The following GPR157 variants were observed in gnomAD, a reference collection of about 807,000 sequenced individuals.
GPR157 encodes G-protein coupled receptor 157.
GPR157 carries 16 observed loss-of-function variants against 23.5 expected under a neutral mutation model. That is an observed-to-expected ratio of 0.68 (90% CI 0.46 to 1.04). GPR157 has a LOEUF of 1.04. Among genes scored for constraint, GPR157 ranks in the 50% least tolerant of loss-of-function variants. The pLI is 0.00. For missense variants in GPR157, 440 were observed against 460.7 expected (o/e 0.96, Z 0.41); for synonymous variants, 200 against 221.5 (o/e 0.90, Z 0.86).
rs1412019253 is a variant in GPR157 at position 9,101,465 on chromosome 1, T to C, written c.*2954A>G. 6.6e-6 allele frequency: 1 copy of C among 152,292 alleles called. No individual in the cohort carries two copies. Among genetic ancestry groups the C allele is most frequent in the Admixed American group, 6.5e-5 (1 of 15,282 alleles). The allele number at this position is 152,292 out of a possible 1,614,324, so 9.4% of individuals were successfully genotyped here. ...ACTGGATCTAAGAAGGAGGCGATAT[T>C]GCTGTTTTCGAGGTCGATGGGCCAG... On this transcript the variant is annotated 3_prime_UTR_variant, in exon 4 of 4. Coordinates refer to ENST00000377411, the MANE Select transcript of GPR157 (RefSeq NM_024980.5).
At position 9,111,501 on chromosome 1, in the gene GPR157, GGAGA is replaced by G. The variant is rs1638496277; in HGVS notation, c.384-16_384-13del. ...ACGGGACCCCCCAGCTGAGGAAGGA[GGAGA>G]GAAAGAGGCATCGGGGTCAGGCCAT... On this transcript the variant is annotated splice_polypyrimidine_tract_variant and intron_variant, in intron 1 of 3. Coordinates refer to ENST00000377411, the MANE Select transcript of GPR157 (RefSeq NM_024980.5). The G allele has an allele frequency of 6.2e-7, 1 of 1,610,216 alleles. No homozygotes were observed. Among genetic ancestry groups the G allele is most frequent in the Non-Finnish European group, 8.5e-7 (1 of 1,176,848 alleles).
Position 9,126,565 on chromosome 1 carries a change from T to G in GPR157, c.383+2080A>C, listed in dbSNP as rs140370513. On this transcript the variant is annotated intron_variant, in intron 1 of 3. Coordinates refer to ENST00000377411, the MANE Select transcript of GPR157 (RefSeq NM_024980.5). ...GAAATGGTTAAAAAGTGGATAATCA[T>G]GTAGTCTATGCCTGAAGGTGATATT... 3.6e-3 allele frequency among the ~76,000 whole-genome samples: 554 copies of G among 152,344 alleles called. 3 individuals carry two copies. The highest frequency in any genetic ancestry group is 6.0e-3 in the Non-Finnish European group (408 of 68,030).
intron 1 of GPR157, among the ~76,000 whole-genome samples, chr1:9,123,105 G>A (rs778532144): frequency 1.4e-4 from 21 of 147,396 alleles, no homozygotes; most frequent in Non-Finnish European, 2.5e-4. Context: ...GCAGTGAGCC[G>A]AGAGATCGCA....
At chr1:9,106,582 G>A (rs373492028) in intron 2 of GPR157, among the ~76,000 whole-genome samples, 16 of 152,220 alleles carry the variant, frequency 1.1e-4, no homozygotes, top group Admixed American at 2.6e-4. Context: ...TGGAATGCCC[G>A]TCTCCATCTG....
rs893088549 is a variant in GPR157, at chr1:9,128,059, A to G, written c.383+586T>C. On this transcript the variant is annotated intron_variant, in intron 1 of 3. Transcript: ENST00000377411. This position sits in a 1 kb window ranked among gnomAD's most constrained non-coding sequence, Gnocchi z 6.3. Reference sequence around the variant, plus strand: ...ATCTCAGAATTGCTGAACTCTGGAAAGTCAAGATCATCTAGAACAGAAATA... The same window carrying G: ...ATCTCAGAATTGCTGAACTCTGGAAGGTCAAGATCATCTAGAACAGAAATA... 6.6e-6 allele frequency among the ~76,000 whole-genome samples: 1 copy of G among 152,158 alleles called. No individual in the cohort carries two copies. Among genetic ancestry groups the G allele is most frequent in the African/African-American group, 2.4e-5 (1 of 41,434 alleles).
At chr1:9,127,133 C>A (rs1292993918) in intron 1 of GPR157, among the ~76,000 whole-genome samples, 2 of 152,054 alleles carry the variant, frequency 1.3e-5, no homozygotes, top group Non-Finnish European at 2.9e-5. Context: ...CCTGCCTCGG[C>A]CTCCCAAAGT....
intron 1 of GPR157, among the ~76,000 whole-genome samples, chr1:9,125,084 AAGAG>A (rs886323042): frequency 6.6e-6 from 1 of 152,168 alleles, no homozygotes; most frequent in Non-Finnish European, 1.5e-5. Context: ...CCTGGGAACA[AAGAG>A]AGAGCCCCAT....
In GPR157 at chr1:9,128,966, G is replaced by A. The variant is rs1327692532; in HGVS notation, c.62C>T (p.Ser21Leu). 6.8e-7 allele frequency: 1 copy of A among 1,463,146 alleles called. No homozygotes were observed. Among genetic ancestry groups the A allele is most frequent in the Admixed American group, 2.5e-5 (1 of 40,560 alleles). 90.6% of individuals were successfully genotyped at this position (1,463,146 alleles called of 1,614,324 possible). Residue 21 changes from serine to leucine, a missense_variant, in exon 1 of 4, where the codon TCG becomes TTG. Transcript: ENST00000377411. The surrounding 1 kb of genome is among the most constrained non-coding windows in gnomAD (Gnocchi z 6.3). Reference protein sequence around the residue: ...VPSERAVVLLSCALSALGSGL... With the variant: ...VPSERAVVLLLCALSALGSGL... ...CGAGCCGAGCGCGGAGAGTGCGCACGACAGCAGCACCACGGCGCGCTCCGA... is the reference window on the plus strand; with the variant it reads ...CGAGCCGAGCGCGGAGAGTGCGCACAACAGCAGCACCACGGCGCGCTCCGA...
chr1:9,123,283 T>TA (rs1557700676), intron 1 of GPR157, among the ~76,000 whole-genome samples: 1,931 of 29,266 alleles, frequency 0.066, 214 homozygotes, highest in African/African-American at 0.19. Context: ...TAAATATATA[T>TA]TTAAATTAAT....
chr1:9,113,768 AC>A (rs1638565713), intron 1 of GPR157, among the ~76,000 whole-genome samples: 1 of 151,550 alleles, frequency 6.6e-6, no homozygotes, highest in Non-Finnish European at 1.5e-5. Context: ...ACATAGTGAA[AC>A]CCCATCTCTA....
chr1:9,112,656 T>G (rs746801711), intron 1 of GPR157, among the ~76,000 whole-genome samples: 15 of 152,180 alleles, frequency 9.9e-5, no homozygotes, highest in Non-Finnish European at 2.2e-4. Context: ...TTTCACCATG[T>G]TGGCCAGCCT....
intron 1 of GPR157, among the ~76,000 whole-genome samples, chr1:9,126,579 G>A (rs1638967676): frequency 6.6e-6 from 1 of 152,176 alleles, no homozygotes; most frequent in Non-Finnish European, 1.5e-5. Flanking sequence ...GTCTATGCCT[G>A]AAGGTGATAT....
chr1:9,112,265 G>A (rs536373583), intron 1 of GPR157, among the ~76,000 whole-genome samples: 3 of 152,334 alleles, frequency 2.0e-5, no homozygotes, highest in South Asian at 4.1e-4. Context: ...GGGTTGCCTG[G>A]GCAGGGAATT....
intron 1 of GPR157, among the ~76,000 whole-genome samples, chr1:9,115,863 T>C (rs1638623739): frequency 6.6e-6 from 1 of 150,904 alleles, no homozygotes; most frequent in Admixed American, 6.7e-5. Flanking sequence ...AAAGTTTTAT[T>C]GCAACACAGG....
chr1:9,106,386 T>C (rs1264893303), intron 2 of GPR157, among the ~76,000 whole-genome samples: 3 of 152,118 alleles, frequency 2.0e-5, no homozygotes, highest in Non-Finnish European at 2.9e-5. Flanking sequence ...AACCCGAGTC[T>C]GCTCCAGTGA....
At position 9,101,254 on chromosome 1, in the gene GPR157, C is replaced by T. The variant is rs934821180; in HGVS notation, c.*3165G>A. 3 of 151,560 alleles carry T rather than the reference C, an allele frequency of 2.0e-5. No homozygotes were observed. The highest frequency in any genetic ancestry group is 7.3e-5 in the African/African-American group (3 of 41,176). The allele number at this position is 151,560 out of a possible 1,614,324, so 9.4% of individuals were successfully genotyped here. ...TATATTTAGTAGAAACAGGGTTTCA[C>T]CATGTTGGCCAGGCTGGTCTCAAAC... On this transcript the variant is annotated 3_prime_UTR_variant, in exon 4 of 4. Transcript: ENST00000377411.
At chr1:9,106,914 A>C (rs1347648898) in intron 2 of GPR157, among the ~76,000 whole-genome samples, 1 of 152,188 alleles carries the variant, frequency 6.6e-6, no homozygotes, top group Non-Finnish European at 1.5e-5. Flanking sequence ...CAGTGAGCCA[A>C]GATCGCGCCA....
rs1279602076 is a variant in GPR157 at position 9,118,406 on chromosome 1, G to A, written c.384-6917C>T. Among the ~76,000 whole-genome samples, 1 of 152,122 alleles carries A rather than the reference G, an allele frequency of 6.6e-6. No individual in the cohort carries two copies. The highest frequency in any genetic ancestry group is 1.5e-5 in the Non-Finnish European group (1 of 68,016). The stretch of plus-strand genomic sequence containing the variant: ...CCTGTGACTCTGAGGCTGGGAGGAG[G>A]CCAAGCTGAGCCTGCCTGGACGGAG... On this transcript the variant is annotated intron_variant, in intron 1 of 3. Coordinates refer to ENST00000377411, the MANE Select transcript of GPR157 (RefSeq NM_024980.5). This position sits in a 1 kb window ranked among gnomAD's most constrained non-coding sequence, Gnocchi z 4.6.
rs200164683 is a variant in GPR157, at chr1:9,127,084, C to T, written c.383+1561G>A. On this transcript the variant is annotated intron_variant, in intron 1 of 3. Coordinates refer to ENST00000377411, the MANE Select transcript of GPR157 (RefSeq NM_024980.5). Reference sequence around the variant, plus strand: ...AATTTTTAGTAGAGACAAAGCCTCACTGTGTTGGCCAGTTGAACTCCTGGG... The same window carrying T: ...AATTTTTAGTAGAGACAAAGCCTCATTGTGTTGGCCAGTTGAACTCCTGGG... 6.6e-5 allele frequency among the ~76,000 whole-genome samples: 10 copies of T among 152,112 alleles called. No individual in the cohort carries two copies. The East Asian group carries it at 1.9e-3, about 29-fold the overall frequency.
Sources: allele counts gnomAD v4.1 joint callset (sites outside exome capture counted in the v4.1 genomes callset), GRCh38; gene constraint gnomAD v4.1.1; non-coding constraint Gnocchi (gnomAD v3.1); transcripts MANE v1.5; gene names NCBI Gene and HGNC (gene_info 2026-07-23, HGNC 2026-07-21).